The following LRRC9 variants were observed in gnomAD, a reference collection of about 807,000 sequenced individuals.
The protein encoded by LRRC9 is leucine-rich repeat-containing protein 9.
LRRC9 carries 122 observed loss-of-function variants against 63.2 expected under a neutral mutation model. That is an observed-to-expected ratio of 1.93 (90% CI 1.67 to 2.24). LRRC9 has a LOEUF of 2.24. Ranked by LOEUF, LRRC9 falls within the 30% of genes most tolerant of loss-of-function variation. The pLI is 0.00. For synonymous variants in LRRC9, 366 were observed against 213.1 expected, an observed-to-expected ratio of 1.72 and a Z score of -6.25; for missense variants, 1,071 against 627.7, an observed-to-expected ratio of 1.71 and a Z score of -7.55.
chr14:59,994,879 G>A (rs1323060399), intron 17 of LRRC9, among the ~76,000 whole-genome samples: 1 of 151,714 alleles, frequency 6.6e-6, no homozygotes, highest in Admixed American at 6.6e-5. Context: ...GGGGAAGGGG[G>A]AGGGATAGCA....
At chr14:59,955,376 G>T (rs1883627463) in intron 8 of LRRC9, among the ~76,000 whole-genome samples, 1 of 152,134 alleles carries the variant, frequency 6.6e-6, no homozygotes, top group South Asian at 2.1e-4. Context: ...TCTTGGGAGG[G>T]TGTATGTGTC....
chr14:60,054,890 T>A (rs1013989336), intron 30 of LRRC9, among the ~76,000 whole-genome samples: 2 of 152,038 alleles, frequency 1.3e-5, no homozygotes, highest in Non-Finnish European at 2.9e-5. Context: ...GCATCCCGAG[T>A]AGCTGGGACT....
chr14:59,949,209 G>T (rs1488649211), intron 8 of LRRC9, among the ~76,000 whole-genome samples: 1 of 151,498 alleles, frequency 6.6e-6, no homozygotes, highest in African/African-American at 2.4e-5. Context: ...TCTATTCAGA[G>T]ATTCAACTTC....
At chr14:60,024,235 T>C (rs1169235800) in intron 27 of LRRC9, among the ~76,000 whole-genome samples, 1 of 152,144 alleles carries the variant, frequency 6.6e-6, no homozygotes, top group Non-Finnish European at 1.5e-5. Flanking sequence ...TCTTCCACAA[T>C]GTTTGAACTA....
At chr14:60,009,520 G>C (rs1164878833) in intron 23 of LRRC9, among the ~76,000 whole-genome samples, 1 of 152,170 alleles carries the variant, frequency 6.6e-6, no homozygotes, top group Non-Finnish European at 1.5e-5. Flanking sequence ...ATGACGTGGG[G>C]ATTATTACAA....
chr14:59,960,017 A>G lies in LRRC9; in HGVS notation c.1079+3A>G. The stretch of plus-strand genomic sequence containing the variant: ...TTCTGGAACAAAAAACTAGATGAGT[A>G]TGTTTAATTAATTATCTAGTTGTTC... On this transcript the variant is annotated splice_donor_region_variant and intron_variant, in intron 9 of 31. Coordinates refer to ENST00000445360, the Ensembl canonical transcript of LRRC9. 1.5e-6 allele frequency: 1 copy of G among 646,866 alleles called. No individual in the cohort carries two copies. Among genetic ancestry groups the G allele is most frequent in the Non-Finnish European group, 2.8e-6 (1 of 359,680 alleles). 40.1% of individuals were successfully genotyped at this position (646,866 alleles called of 1,614,324 possible). A position where few individuals can be genotyped will look rare whatever the true frequency, so the allele number is the denominator to read the frequency against.
intron 1 of LRRC9, 71 bp from the exon 1 acceptor site, chr14:59,920,073 C>T (rs545443174): frequency 1.3e-5 from 2 of 152,404 alleles, no homozygotes; most frequent in Admixed American, 6.5e-5. Context: ...CCTCCCCGCC[C>T]CTTTTCTCCT....
intron 6 of LRRC9, among the ~76,000 whole-genome samples, chr14:59,934,491 G>A (rs554127207): frequency 2.0e-5 from 3 of 152,130 alleles, no homozygotes; most frequent in Non-Finnish European, 4.4e-5. Context: ...AGTGTGAAGC[G>A]ATGCTTAGGG....
At chr14:60,050,797 C>A (rs1312299169) in intron 29 of LRRC9, among the ~76,000 whole-genome samples, 1 of 151,986 alleles carries the variant, frequency 6.6e-6, no homozygotes, top group Non-Finnish European at 1.5e-5. Context: ...TTTGTTTGTT[C>A]TTAACAATCA....
At chr14:59,947,012 G>T (rs1160582501) in intron 8 of LRRC9, among the ~76,000 whole-genome samples, 3 of 147,886 alleles carry the variant, frequency 2.0e-5, no homozygotes, top group African/African-American at 7.5e-5. Context: ...AGTCCTTTGG[G>T]TATATATCCA....
Position 59,942,096 on chromosome 14 carries a change from A to G in LRRC9, c.727-2493A>G, listed in dbSNP as rs933928488. On this transcript the variant is annotated intron_variant, in intron 7 of 31. Coordinates refer to ENST00000445360, the Ensembl canonical transcript of LRRC9. This position sits in a 1 kb window ranked among gnomAD's most constrained non-coding sequence, Gnocchi z 5.3. ...TTCTGTGCTTGACTTATTTCGCTTA[A>G]CATAATGTCCTCCAGGCTCAACCAT... 2.0e-5 allele frequency among the ~76,000 whole-genome samples: 3 copies of G among 152,186 alleles called. No homozygotes were observed. Among genetic ancestry groups the G allele is most frequent in the Admixed American group, 6.6e-5 (1 of 15,266 alleles).
At chr14:59,959,896 C>T (rs1255757688) in exon 9 of LRRC9, 3 of 700,038 alleles carry the variant, frequency 4.3e-6, no homozygotes, top group Non-Finnish European at 7.8e-6. Context: ...AGTAACTGAT[C>T]CTGAAACACT....
chr14:60,061,901 A>G (rs1210900358), intron 31 of LRRC9, 110 bp from the exon 32 acceptor site: 9 of 395,826 alleles, frequency 2.3e-5, no homozygotes, highest in Non-Finnish European at 3.6e-5. Flanking sequence ...CATGTATTGC[A>G]TACATTCCGC....
intron 29 of LRRC9, among the ~76,000 whole-genome samples, chr14:60,046,414 T>G (rs539452264): frequency 6.6e-6 from 1 of 152,364 alleles, no homozygotes; most frequent in Non-Finnish European, 1.5e-5. Context: ...GATTTTACAT[T>G]AAAGTTTTTA....
intron 8 of LRRC9, among the ~76,000 whole-genome samples, chr14:59,951,642 G>A (rs1337569962): frequency 6.8e-6 from 1 of 146,384 alleles, no homozygotes; most frequent in Non-Finnish European, 1.5e-5. Context: ...TCTACTTTTG[G>A]TCTTTGATGA....
At chr14:60,010,601 C>A (rs1164264268) in intron 23 of LRRC9, among the ~76,000 whole-genome samples, 2 of 152,160 alleles carry the variant, frequency 1.3e-5, no homozygotes, top group Non-Finnish European at 2.9e-5. Flanking sequence ...TTTCTGCAGC[C>A]AGCTTGAATT....
downstream of LRRC9, among the ~76,000 whole-genome samples, chr14:60,065,529 T>A (rs933975858): frequency 2.0e-5 from 3 of 146,490 alleles, no homozygotes; most frequent in African/African-American, 7.5e-5. Context: ...ACACCTGTAA[T>A]CTCAGCTACT....
intron 12 of LRRC9, among the ~76,000 whole-genome samples, chr14:59,972,724 C>T (rs181412689): frequency 1.3e-5 from 2 of 152,216 alleles, no homozygotes. Context: ...AATTTCATAA[C>T]AACTACAACT....
intron 31 of LRRC9, among the ~76,000 whole-genome samples, chr14:60,062,401 G>A (rs1222893923): frequency 1.3e-5 from 2 of 152,160 alleles, no homozygotes; most frequent in Non-Finnish European, 2.9e-5. Flanking sequence ...AAAAGGCTGA[G>A]AAATGGCTAT....
Sources: allele counts gnomAD v4.1 joint callset (sites outside exome capture counted in the v4.1 genomes callset), GRCh38; gene constraint gnomAD v4.1.1; non-coding constraint Gnocchi (gnomAD v3.1); transcripts MANE v1.5; gene names NCBI Gene and HGNC (gene_info 2026-07-23, HGNC 2026-07-21).